Variants in DLG2 observed in about 807,000 individuals in gnomAD.
DLG2 encodes the protein disks large homolog 2.
A neutral mutation model predicts 132.5 loss-of-function variants in DLG2; 45 were observed. The observed-to-expected ratio is 0.34, with a 90% CI of 0.27 to 0.44. The LOEUF (loss-of-function observed/expected upper bound fraction) is 0.44. Among genes scored for constraint, DLG2 ranks in the 20% least tolerant of loss-of-function variants. The pLI, the probability that DLG2 is intolerant of heterozygous loss-of-function variation, is 1.00. For synonymous variants in DLG2, 424 were observed against 419.6 expected (o/e 1.01, Z -0.13); for missense variants, 1,045 against 1,196.9 (o/e 0.87, Z 1.87).
At chr11:85,184,299 C>T (rs1315271947) in intron 4 of DLG2, among the ~76,000 whole-genome samples, 1 of 149,752 alleles carries the variant, frequency 6.7e-6, no homozygotes, top group Non-Finnish European at 1.5e-5. Context: ...TTATATCCTC[C>T]AATATGTAAT....
intron 7 of DLG2, among the ~76,000 whole-genome samples, chr11:84,476,516 C>A (rs1332475461): frequency 6.6e-6 from 1 of 152,154 alleles, no homozygotes; most frequent in Non-Finnish European, 1.5e-5. Flanking sequence ...CTATGACATT[C>A]AACCAATCAA....
intron 8 of DLG2, among the ~76,000 whole-genome samples, chr11:84,240,322 G>T (rs1388369186): frequency 6.6e-6 from 1 of 152,158 alleles, no homozygotes; most frequent in Admixed American, 6.5e-5. Flanking sequence ...ATATATGAAA[G>T]AAATACATTC....
chr11:84,498,593 G>A (rs146521750), intron 7 of DLG2, among the ~76,000 whole-genome samples: 36 of 152,256 alleles, frequency 2.4e-4, no homozygotes, highest in African/African-American at 8.7e-4. Flanking sequence ...AACACTGGGT[G>A]TAAATAGAAG....
chr11:85,450,919 C>T (rs1201385798), intron 3 of DLG2, among the ~76,000 whole-genome samples: 1 of 152,012 alleles, frequency 6.6e-6, no homozygotes, highest in Non-Finnish European at 1.5e-5. Flanking sequence ...ACATTGAAAC[C>T]ACTCAGAGCT....
chr11:85,109,336 C>T (rs956466651), intron 6 of DLG2, among the ~76,000 whole-genome samples: 2 of 152,034 alleles, frequency 1.3e-5, no homozygotes, highest in African/African-American at 4.8e-5. Context: ...GAAAAAGAAA[C>T]ATCTACTTTC....
At chr11:83,486,342 C>A in intron 21 of DLG2, 3 of 582,302 alleles carry the variant, frequency 5.2e-6, no homozygotes, top group South Asian at 2.0e-5. Flanking sequence ...TCACCAATGA[C>A]TTGTCATGCA....
chr11:85,345,365 CA>C (rs1207594323), intron 3 of DLG2, among the ~76,000 whole-genome samples: 2 of 152,076 alleles, frequency 1.3e-5, no homozygotes, highest in African/African-American at 4.8e-5. Context: ...CAGGCAAGTA[CA>C]TAGGGTGTGG....
chr11:84,474,140 T>C (rs1333780980), intron 7 of DLG2, among the ~76,000 whole-genome samples: 1 of 152,020 alleles, frequency 6.6e-6, no homozygotes, highest in African/African-American at 2.4e-5. Flanking sequence ...CCATTTCTGA[T>C]CCCTTGTATC....
At chr11:84,987,846 G>T (rs1434688770) in intron 6 of DLG2, among the ~76,000 whole-genome samples, 1 of 152,048 alleles carries the variant, frequency 6.6e-6, no homozygotes, top group Non-Finnish European at 1.5e-5. Flanking sequence ...ATCCCTTCTG[G>T]GCATTGGCTT....
Position 83,810,733 on chromosome 11 carries a change from A to T in DLG2, c.1722+22881T>A, listed in dbSNP as rs560572019. On this transcript the variant is annotated intron_variant, in intron 17 of 27. Coordinates refer to ENST00000376104, the MANE Select transcript of DLG2 (RefSeq NM_001142699.3). ...TTCTGCCTTTTCCCATGCAAAAGTC[A>T]TTCTTTTGTTTACTCATTTATTCTA... is the stretch of plus-strand genomic sequence containing the variant. 4.5e-4 allele frequency among the ~76,000 whole-genome samples: 68 copies of T among 152,248 alleles called. 1 individual carries two copies. The highest frequency in any genetic ancestry group is 1.4e-3 in the African/African-American group (59 of 41,578).
At chr11:85,616,947 G>T (rs1283849292) in intron 2 of DLG2, among the ~76,000 whole-genome samples, 1 of 152,190 alleles carries the variant, frequency 6.6e-6, no homozygotes, top group African/African-American at 2.4e-5. Flanking sequence ...TCATATGTCA[G>T]AAGTAAGCTG....
chr11:85,489,084 C>A (rs922572248), intron 3 of DLG2, among the ~76,000 whole-genome samples: 1 of 151,854 alleles, frequency 6.6e-6, no homozygotes, highest in African/African-American at 2.4e-5. Flanking sequence ...CAGTATTAAC[C>A]TTGAACATAT....
chr11:83,468,239 T>C (rs1462303071), intron 25 of DLG2, among the ~76,000 whole-genome samples: 1 of 152,196 alleles, frequency 6.6e-6, no homozygotes, highest in Admixed American at 6.5e-5. Context: ...AGTCTTCTTA[T>C]CTGAGAAACC....
chr11:84,333,708 T>C (rs1341516519), intron 7 of DLG2, among the ~76,000 whole-genome samples: 1 of 152,216 alleles, frequency 6.6e-6, no homozygotes, highest in East Asian at 1.9e-4. Flanking sequence ...ATAAAGTCTA[T>C]GTTCAGTTTT....
At chr11:83,978,758 T>C (rs1403499694) in intron 12 of DLG2, among the ~76,000 whole-genome samples, 2 of 152,046 alleles carry the variant, frequency 1.3e-5, no homozygotes, top group African/African-American at 4.8e-5. Context: ...TGAGACACAG[T>C]AGGTGGGCAG....
intron 6 of DLG2, among the ~76,000 whole-genome samples, chr11:84,553,038 C>T (rs1384585001): frequency 6.6e-6 from 1 of 152,104 alleles, no homozygotes; most frequent in Non-Finnish European, 1.5e-5. Context: ...TCTTTCTAAT[C>T]TTTTCTCACC....
At chr11:85,272,018 C>T (rs746177304) in intron 4 of DLG2, among the ~76,000 whole-genome samples, 11 of 152,194 alleles carry the variant, frequency 7.2e-5, no homozygotes, top group South Asian at 2.1e-4. Flanking sequence ...TGATATGGTT[C>T]GGCTATGTTC....
intron 18 of DLG2, among the ~76,000 whole-genome samples, chr11:83,679,366 T>G (rs535657667): frequency 6.6e-6 from 1 of 152,336 alleles, no homozygotes; most frequent in South Asian, 2.1e-4. Flanking sequence ...CTGGCCTAGT[T>G]GTTATTTGGC....
chr11:85,263,156 G>T (rs2077030242), intron 4 of DLG2, among the ~76,000 whole-genome samples: 2 of 152,174 alleles, frequency 1.3e-5, no homozygotes, highest in Non-Finnish European at 2.9e-5. Flanking sequence ...TGGCACTAGG[G>T]CCTTACACTG....
Sources: allele counts gnomAD v4.1 joint callset (sites outside exome capture counted in the v4.1 genomes callset), GRCh38; gene constraint gnomAD v4.1.1; transcripts MANE v1.5; gene names NCBI Gene and HGNC (gene_info 2026-07-23, HGNC 2026-07-21).